The following IL1RAPL2 variants were observed in gnomAD, a reference collection of about 807,000 sequenced individuals.
IL1RAPL2 encodes the protein interleukin 1 receptor accessory protein like 2, also known as X-linked interleukin-1 receptor accessory protein-like 2.
IL1RAPL2 carries 3 observed loss-of-function variants against 44.1 expected under a neutral mutation model. The observed-to-expected ratio is 0.07, with a 90% CI of 0.03 to 0.18. The LOEUF (loss-of-function observed/expected upper bound fraction) is 0.18, where lower values mean the gene tolerates loss of function less well. IL1RAPL2 is among the 10% of genes least tolerant of loss of function. IL1RAPL2 has a pLI of 1.00. For missense variants in IL1RAPL2, 391 were observed against 496.4 expected (o/e 0.79, Z 2.02); for synonymous variants, 181 against 178.8 (o/e 1.01, Z -0.10).
chrX:105,653,284 G>A (rs1481317338), intron 6 of IL1RAPL2, among the ~76,000 whole-genome samples: 3 of 111,530 alleles, frequency 2.7e-5, no homozygotes, highest in Non-Finnish European at 5.7e-5. Context: ...GCATGAGAAT[G>A]TGACACATCA....
intron 1 of IL1RAPL2, among the ~76,000 whole-genome samples, chrX:104,652,908 T>C: frequency 9.0e-6 from 1 of 111,282 alleles, no homozygotes; most frequent in African/African-American, 3.3e-5. Context: ...TTTGGGGACA[T>C]GTATGGTAGC....
chrX:104,785,674 T>A (rs1392521903), intron 2 of IL1RAPL2, among the ~76,000 whole-genome samples: 1 of 111,749 alleles, frequency 8.9e-6, no homozygotes, highest in Non-Finnish European at 1.9e-5. Context: ...TTATAAGGTG[T>A]CCCTTCCTAT....
chrX:104,672,074 T>G (rs1930616303), intron 2 of IL1RAPL2, among the ~76,000 whole-genome samples: 1 of 111,659 alleles, frequency 9.0e-6, no homozygotes, highest in Non-Finnish European at 1.9e-5. Flanking sequence ...CATGGTGGGC[T>G]GGGAAAGGGC....
chrX:105,067,038 A>G (rs1372820900), intron 2 of IL1RAPL2, among the ~76,000 whole-genome samples: 1 of 111,946 alleles, frequency 8.9e-6, no homozygotes, highest in East Asian at 2.8e-4. Flanking sequence ...AGCATGCCAC[A>G]CAAAGTTAAA....
intron 2 of IL1RAPL2, among the ~76,000 whole-genome samples, chrX:104,802,658 A>G (rs1395369642): frequency 8.9e-6 from 1 of 111,948 alleles, no homozygotes; most frequent in Non-Finnish European, 1.9e-5. Context: ...ACAATTTTCT[A>G]ATTTTTAATG....
chrX:104,976,901 CA>C (rs113514364), intron 2 of IL1RAPL2, among the ~76,000 whole-genome samples: 6 of 97,224 alleles, frequency 6.2e-5, no homozygotes, highest in Admixed American at 1.1e-4. Context: ...GAGCCAAAGC[CA>C]AAAAAAAAAA....
intron 2 of IL1RAPL2, among the ~76,000 whole-genome samples, chrX:104,661,501 T>C (rs73523335): frequency 0.055 from 6,101 of 111,120 alleles, 450 homozygotes; most frequent in African/African-American, 0.19. Flanking sequence ...ATAAAAGACA[T>C]CTTAAGTTGC....
At chrX:105,297,090 C>T (rs2147672188) in intron 5 of IL1RAPL2, among the ~76,000 whole-genome samples, 1 of 112,015 alleles carries the variant, frequency 8.9e-6, no homozygotes, top group Admixed American at 9.5e-5. Flanking sequence ...GAAGGTCTCT[C>T]TGAAGAGGTG....
chrX:105,685,869 CA>C (rs2037968129), intron 6 of IL1RAPL2, among the ~76,000 whole-genome samples: 1 of 111,866 alleles, frequency 8.9e-6, no homozygotes, highest in African/African-American at 3.3e-5. Context: ...AGAAACCCTA[CA>C]AGCCAGAAGA....
In IL1RAPL2 at chrX:104,831,686, T is replaced by G. The variant is rs1048094481; in HGVS notation, c.82+172691T>G. 8.9e-5 allele frequency among the ~76,000 whole-genome samples: 10 copies of G among 112,004 alleles called. 1 individual carries two copies. Among genetic ancestry groups the G allele is most frequent in the Admixed American group, 8.5e-4 (9 of 10,538 alleles). On this transcript the variant is annotated intron_variant, in intron 2 of 10. Transcript: ENST00000372582. ...ATTATGCATTTATTCTGATAACTGA[T>G]CTCTTTCACACACCCTGATTAGGAT...
At chrX:104,869,647 G>C (rs868331627) in intron 2 of IL1RAPL2, among the ~76,000 whole-genome samples, 5 of 111,604 alleles carry the variant, frequency 4.5e-5, no homozygotes, top group African/African-American at 1.6e-4. Flanking sequence ...ATGTTGGTGT[G>C]CTGTACCCAT....
At chrX:104,821,613 T>C (rs902915442) in intron 2 of IL1RAPL2, among the ~76,000 whole-genome samples, 6 of 112,377 alleles carry the variant, frequency 5.3e-5, no homozygotes, top group Non-Finnish European at 1.1e-4. Flanking sequence ...CCATGGTGTA[T>C]ATGTACCACA....
intron 2 of IL1RAPL2, among the ~76,000 whole-genome samples, chrX:105,032,656 A>G (rs1450544326): frequency 9.0e-6 from 1 of 111,329 alleles, no homozygotes; most frequent in Non-Finnish European, 1.9e-5. Context: ...CTATGTGTTC[A>G]ATTTTGGAAT....
chrX:104,984,720 G>A (rs1489680103), intron 2 of IL1RAPL2, among the ~76,000 whole-genome samples: 1 of 112,162 alleles, frequency 8.9e-6, no homozygotes, highest in Non-Finnish European at 1.9e-5. Context: ...CTAAAAATAT[G>A]TTTCAAAAGA....
chrX:104,944,206 A>T (rs758250149), intron 2 of IL1RAPL2, among the ~76,000 whole-genome samples: 56 of 111,739 alleles, frequency 5.0e-4, no homozygotes, highest in Non-Finnish European at 8.7e-4. Context: ...TTCTAAAAAC[A>T]TTTTGAATAT....
intron 5 of IL1RAPL2, among the ~76,000 whole-genome samples, chrX:105,339,491 T>G (rs1049728448): frequency 2.7e-5 from 3 of 111,459 alleles, no homozygotes; most frequent in Non-Finnish European, 5.7e-5. Flanking sequence ...ATATGAAACA[T>G]ATGGGTAGGA....
At chrX:104,902,238 T>C (rs768373845) in intron 2 of IL1RAPL2, among the ~76,000 whole-genome samples, 1 of 112,205 alleles carries the variant, frequency 8.9e-6, no homozygotes, top group East Asian at 2.8e-4. Flanking sequence ...TAGTCACCTC[T>C]GATCTTTGAC....
rs180921795 is a variant in IL1RAPL2, at chrX:105,757,981, G to A, written c.1363+2634G>A. ...GACAGAGTAGAACATTTTGGACTTG[G>A]TGTATATGTGCTATTAAAGAAGCTT... On this transcript the variant is annotated intron_variant, in intron 10 of 10. Coordinates refer to ENST00000372582, the MANE Select transcript of IL1RAPL2 (RefSeq NM_017416.2). Among the ~76,000 whole-genome samples the A allele has an allele frequency of 8.7e-3, 964 of 111,172 alleles. 7 individuals are homozygous for A. The highest frequency in any genetic ancestry group is 0.012 in the Non-Finnish European group (623 of 52,992).
intron 2 of IL1RAPL2, among the ~76,000 whole-genome samples, chrX:104,885,029 C>A (rs1277452805): frequency 9.0e-6 from 1 of 111,669 alleles, no homozygotes; most frequent in African/African-American, 3.3e-5. Context: ...ATCAAGGAGA[C>A]CTGGGGAAGT....
Sources: allele counts gnomAD v4.1 joint callset (sites outside exome capture counted in the v4.1 genomes callset), GRCh38; gene constraint gnomAD v4.1.1; transcripts MANE v1.5; gene names NCBI Gene and HGNC (gene_info 2026-07-23, HGNC 2026-07-21).